Variants in LYPD6 observed in about 807,000 individuals in gnomAD.
LYPD6 encodes LY6/PLAUR domain containing 6, also known as ly6/PLAUR domain-containing protein 6.
A neutral mutation model predicts 22.7 loss-of-function variants in LYPD6; 15 were observed. That is an observed-to-expected ratio of 0.66 (90% CI 0.44 to 1.02). The LOEUF is 1.02. Among genes scored for constraint, LYPD6 ranks in the 50% least tolerant of loss-of-function variants. The probability of loss-of-function intolerance (pLI) is 0.00; values close to 1 mark genes in which losing one functional copy is unlikely to be tolerated. For synonymous variants in LYPD6, 72 were observed against 77.5 expected, an observed-to-expected ratio of 0.93 and a Z score of 0.37; for missense variants, 189 against 208.4, an observed-to-expected ratio of 0.91 and a Z score of 0.57.
At chr2:149,407,298 A>G (rs1682738237) in intron 1 of LYPD6, among the ~76,000 whole-genome samples, 1 of 152,178 alleles carries the variant, frequency 6.6e-6, no homozygotes, top group African/African-American at 2.4e-5. Flanking sequence ...AGATTGGGGA[A>G]GTTCTCCTGG....
chr2:149,451,728 C>G (rs1680821288), intron 3 of LYPD6, among the ~76,000 whole-genome samples: 1 of 152,098 alleles, frequency 6.6e-6, no homozygotes, highest in African/African-American at 2.4e-5. Flanking sequence ...CTTTTTTCCC[C>G]TCTACTTTTA....
At chr2:149,485,692 T>C in the LYPD6 span, among the ~76,000 whole-genome samples, 36 of 152,324 alleles carry the variant, frequency 2.4e-4, no homozygotes, top group African/African-American at 8.4e-4. Flanking sequence ...GCAAGTCTTA[T>C]GGGGTAGAGT....
In LYPD6 at chr2:149,363,662, A is replaced by T. The variant is rs547123616; in HGVS notation, c.-72+32940A>T. On this transcript the variant is annotated intron_variant, in intron 1 of 4. Coordinates refer to ENST00000334166, the MANE Select transcript of LYPD6 (RefSeq NM_194317.5). ...AGATCTGTGTGCCTGTCTTTGTTAA[A>T]TCATTCCTTTTCTGCTTACCTTATG... Among the ~76,000 whole-genome samples the T allele has an allele frequency of 2.0e-5, 3 of 152,328 alleles. No homozygotes were observed. In the South Asian group the frequency reaches 6.2e-4, roughly 32 times the overall value.
downstream of LYPD6, among the ~76,000 whole-genome samples, chr2:149,477,744 C>CA (rs1207460861): frequency 1.3e-5 from 2 of 151,500 alleles, no homozygotes; most frequent in African/African-American, 4.9e-5. Context: ...TGAAAACAAC[C>CA]AGAGTATAAG....
intron 1 of LYPD6, among the ~76,000 whole-genome samples, chr2:149,382,461 C>G (rs1268097367): frequency 1.3e-5 from 2 of 152,190 alleles, no homozygotes; most frequent in African/African-American, 2.4e-5. Flanking sequence ...AATGCCTACT[C>G]TTAAAATCAA....
chr2:149,442,777 A>G (rs1226367904), intron 2 of LYPD6, among the ~76,000 whole-genome samples: 1 of 152,200 alleles, frequency 6.6e-6, no homozygotes, highest in Non-Finnish European at 1.5e-5. Flanking sequence ...ACTTGGTATT[A>G]TACCTTAATT....
Position 149,437,676 on chromosome 2 carries a change from A to G in LYPD6, c.-33A>G. On this transcript the variant is annotated 5_prime_UTR_variant, in exon 2 of 5. Transcript: ENST00000334166. ...CCTGTTGCCCTGAGTGCCCACTCCC[A>G]GGCCCTCTGTATGAGTGACACTTCA... 6.2e-7 allele frequency: 1 copy of G among 1,612,694 alleles called. No individual in the cohort carries two copies.
At chr2:149,478,237 C>T (rs7600746), downstream of LYPD6, among the ~76,000 whole-genome samples, 28,862 of 151,844 alleles carry the variant, frequency 0.19, 4,411 homozygotes, top group African/African-American at 0.41. Context: ...TCTGGAGTAC[C>T]AAGGCAGCCT....
At chr2:149,366,130 A>G (rs1681658813) in intron 1 of LYPD6, among the ~76,000 whole-genome samples, 1 of 152,180 alleles carries the variant, frequency 6.6e-6, no homozygotes, top group South Asian at 2.1e-4. Context: ...TTTGTTTTCC[A>G]TATATTTTAT....
intron 1 of LYPD6, among the ~76,000 whole-genome samples, chr2:149,430,816 C>A (rs1169978875): frequency 6.6e-6 from 1 of 152,168 alleles, no homozygotes; most frequent in African/African-American, 2.4e-5. Flanking sequence ...GGAAGTATCT[C>A]ATTTTATAGA....
At chr2:149,406,631 C>T (rs1281134031) in intron 1 of LYPD6, among the ~76,000 whole-genome samples, 1 of 152,198 alleles carries the variant, frequency 6.6e-6, no homozygotes, top group Non-Finnish European at 1.5e-5. Context: ...TGTGTCTCTG[C>T]ACGTGAGATG....
intron 2 of LYPD6, among the ~76,000 whole-genome samples, chr2:149,445,221 A>C (rs1239013246): frequency 6.6e-6 from 1 of 152,212 alleles, no homozygotes; most frequent in African/African-American, 2.4e-5. Flanking sequence ...TTCAGTAGAC[A>C]ATTCTGTAAA....
chr2:149,485,475 A>G, the LYPD6 span, among the ~76,000 whole-genome samples: 2 of 152,166 alleles, frequency 1.3e-5, no homozygotes, highest in African/African-American at 2.4e-5. Flanking sequence ...ACTCATTGCC[A>G]TGTTGCATTG....
intron 1 of LYPD6, among the ~76,000 whole-genome samples, chr2:149,389,581 G>A (rs1195688411): frequency 6.6e-6 from 1 of 152,124 alleles, no homozygotes; most frequent in East Asian, 1.9e-4. Context: ...CTGAATCCAG[G>A]GACGTTTTCA....
At chr2:149,381,121 A>C (rs1370908654) in intron 1 of LYPD6, among the ~76,000 whole-genome samples, 1 of 152,108 alleles carries the variant, frequency 6.6e-6, no homozygotes, top group Non-Finnish European at 1.5e-5. Flanking sequence ...TTGACAACAA[A>C]ATGGAAGAAG....
At chr2:149,396,122 T>C (rs1029624893) in intron 1 of LYPD6, among the ~76,000 whole-genome samples, 2 of 152,214 alleles carry the variant, frequency 1.3e-5, no homozygotes, top group Non-Finnish European at 2.9e-5. Flanking sequence ...TTTAATGATA[T>C]GGACTTAGGT....
At chr2:149,345,569 C>G (rs1681239931) in intron 1 of LYPD6, among the ~76,000 whole-genome samples, 1 of 151,782 alleles carries the variant, frequency 6.6e-6, no homozygotes, top group African/African-American at 2.4e-5. Context: ...CCCACCTCGG[C>G]CTCCCAAAGT....
At chr2:149,367,866 A>G (rs1681714530) in intron 1 of LYPD6, 1 of 152,212 alleles carries the variant, frequency 6.6e-6, no homozygotes, top group African/African-American at 2.4e-5. Flanking sequence ...GGTGTGTTAG[A>G]GGGAAAGGAA....
chr2:149,363,145 G>A (rs1681601620), intron 1 of LYPD6, among the ~76,000 whole-genome samples: 1 of 152,144 alleles, frequency 6.6e-6, no homozygotes, highest in Non-Finnish European at 1.5e-5. Flanking sequence ...GGGTTAGTAT[G>A]TTCTGAACCC....
Sources: gnomAD v4.1 joint callset for allele counts (sites outside exome capture counted in the v4.1 genomes callset) on GRCh38, gnomAD v4.1.1 for gene constraint, MANE v1.5 for transcripts, NCBI Gene and HGNC (gene_info 2026-07-23, HGNC 2026-07-21) for gene names.